The following FARP1 variants were observed in gnomAD, a reference collection of about 807,000 sequenced individuals.
FARP1 encodes the protein FERM, ARHGEF and pleckstrin domain-containing protein 1.
A neutral mutation model predicts 128.8 loss-of-function variants in FARP1; 52 were observed. That is an observed-to-expected ratio of 0.40 (90% CI 0.32 to 0.51). The LOEUF (loss-of-function observed/expected upper bound fraction) is 0.51. FARP1 is among the 20% of genes least tolerant of loss of function. The pLI is 0.45. For synonymous variants in FARP1, 580 were observed against 551.8 expected, an observed-to-expected ratio of 1.05 and a Z score of -0.72; for missense variants, 1,333 against 1,367.9, an observed-to-expected ratio of 0.97 and a Z score of 0.40.
intron 6 of FARP1, among the ~76,000 whole-genome samples, chr13:98,378,239 T>C (rs1312382246): frequency 1.3e-5 from 2 of 152,254 alleles, no homozygotes; most frequent in Non-Finnish European, 2.9e-5. Flanking sequence ...TGTTCTGTCC[T>C]GTTCTTGGAT....
At chr13:98,396,521 C>G (rs1395485484) in intron 13 of FARP1, 1 of 399,010 alleles carries the variant, frequency 2.5e-6, no homozygotes, top group Non-Finnish European at 4.4e-6. Context: ...TCAGCCCGAG[C>G]AACCTGGGGT....
In FARP1 at chr13:98,191,134, C is replaced by G. The variant is rs545170967; in HGVS notation, c.-23-22086C>G. Among the ~76,000 whole-genome samples the G allele has an allele frequency of 2.6e-5, 4 of 152,284 alleles. No individual in the cohort carries two copies. The South Asian group carries it at 6.2e-4, about 24-fold the overall frequency. ...GAACTCCCGGGCCTACCCCAGCTGTCGTGGTGACCTCTGATGCTGCTAGGT... is the reference window on the plus strand; with the variant it reads ...GAACTCCCGGGCCTACCCCAGCTGTGGTGGTGACCTCTGATGCTGCTAGGT... On this transcript the variant is annotated intron_variant, in intron 1 of 26. Transcript: ENST00000319562.
At chr13:98,441,039 G>A (rs766471649) in intron 24 of FARP1, among the ~76,000 whole-genome samples, 3 of 152,316 alleles carry the variant, frequency 2.0e-5, no homozygotes, top group African/African-American at 7.2e-5. Flanking sequence ...CTGAGTGGGC[G>A]CCGACCTCCC....
intron 5 of FARP1, among the ~76,000 whole-genome samples, chr13:98,374,107 C>G (rs2139997678): frequency 6.6e-6 from 1 of 152,308 alleles, no homozygotes; most frequent in South Asian, 2.1e-4. Flanking sequence ...TATCCCCTAA[C>G]TGTCCTTTGT....
At position 98,454,064 on chromosome 13, in the gene FARP1, T is replaced by C. The variant is rs1893333217; in HGVS notation, c.*5747T>C. ...ATATTCAGCCTGTATATGTGCACTA[T>C]ATAAGTATATTTACATGAACAACTT... On this transcript the variant is annotated 3_prime_UTR_variant, in exon 27 of 27. Coordinates refer to ENST00000319562, the MANE Select transcript of FARP1 (RefSeq NM_005766.4). The C allele has an allele frequency of 6.6e-6, 1 of 152,210 alleles. No homozygotes were observed. Among genetic ancestry groups the C allele is most frequent in the Admixed American group, 6.5e-5 (1 of 15,276 alleles). The allele number at this position is 152,210 out of a possible 1,614,324, so 9.4% of individuals were successfully genotyped here.
chr13:98,306,388 T>C (rs1407623571), intron 2 of FARP1, among the ~76,000 whole-genome samples: 1 of 152,254 alleles, frequency 6.6e-6, no homozygotes, highest in South Asian at 2.1e-4. Flanking sequence ...ACACTTTACA[T>C]GTTCCATTTT....
chr13:98,158,970 G>A (rs529050569), intron 1 of FARP1, among the ~76,000 whole-genome samples: 3 of 152,232 alleles, frequency 2.0e-5, no homozygotes, highest in African/African-American at 7.2e-5. Flanking sequence ...ATAATTTTGG[G>A]CCAGGAAGGT....
At chr13:98,207,553 T>C (rs1880344558) in intron 1 of FARP1, among the ~76,000 whole-genome samples, 1 of 151,718 alleles carries the variant, frequency 6.6e-6, no homozygotes. Context: ...GCTCCCTGGA[T>C]GGGCATCAAC....
At chr13:98,177,383 A>C in intron 1 of FARP1, 1 of 590,196 alleles carries the variant, frequency 1.7e-6, no homozygotes, top group Non-Finnish European at 2.8e-6. Flanking sequence ...GCGGTGACTC[A>C]CTCTTGTAAT....
chr13:98,293,212 A>C (rs1469051952), intron 2 of FARP1, among the ~76,000 whole-genome samples: 1 of 152,216 alleles, frequency 6.6e-6, no homozygotes, highest in Non-Finnish European at 1.5e-5. Flanking sequence ...CATAAAGAGC[A>C]GGCAAAGGAT....
chr13:98,303,113 T>C (rs1443619513), intron 2 of FARP1, among the ~76,000 whole-genome samples: 1 of 152,230 alleles, frequency 6.6e-6, no homozygotes, highest in African/African-American at 2.4e-5. Flanking sequence ...AACTTTATGC[T>C]GTGTGAATAA....
intron 2 of FARP1, among the ~76,000 whole-genome samples, chr13:98,327,500 G>A (rs1171941245): frequency 2.6e-5 from 4 of 152,212 alleles, no homozygotes; most frequent in Non-Finnish European, 5.9e-5. Flanking sequence ...CTCAAAACCA[G>A]TGTGAGTTAA....
intron 2 of FARP1, among the ~76,000 whole-genome samples, chr13:98,220,187 C>T (rs1455937147): frequency 6.6e-6 from 1 of 152,108 alleles, no homozygotes; most frequent in Non-Finnish European, 1.5e-5. Flanking sequence ...GTGGGGTTGT[C>T]CCTCCAGTGG....
chr13:98,250,759 C>T (rs1301196830), intron 2 of FARP1, among the ~76,000 whole-genome samples: 4 of 151,908 alleles, frequency 2.6e-5, no homozygotes, highest in Non-Finnish European at 5.9e-5. Flanking sequence ...AAATATATAA[C>T]ACTACCAGTA....
chr13:98,151,426 C>G (rs891305679), intron 1 of FARP1, among the ~76,000 whole-genome samples: 32 of 151,992 alleles, frequency 2.1e-4, no homozygotes, highest in Non-Finnish European at 2.9e-5. Context: ...GGTGTATTCT[C>G]CTTAGTTTCT....
chr13:98,269,767 G>T (rs1298648243), intron 2 of FARP1, among the ~76,000 whole-genome samples: 3 of 152,186 alleles, frequency 2.0e-5, no homozygotes, highest in African/African-American at 4.8e-5. Context: ...TGGTCGGGGG[G>T]TGTCAGCGAA....
chr13:98,429,654 T>G (rs1466477161), intron 17 of FARP1, among the ~76,000 whole-genome samples: 1 of 152,122 alleles, frequency 6.6e-6, no homozygotes, highest in Non-Finnish European at 1.5e-5. Flanking sequence ...AGAGAATAAA[T>G]GCGGGGGCCC....
At chr13:98,419,053 C>T (rs527602111) in intron 16 of FARP1, among the ~76,000 whole-genome samples, 3 of 152,318 alleles carry the variant, frequency 2.0e-5, no homozygotes, top group East Asian at 1.9e-4. Flanking sequence ...GCGGCGTTCC[C>T]GGCCCATTGA....
At chr13:98,416,762 G>A (rs1208244363) in intron 16 of FARP1, among the ~76,000 whole-genome samples, 2 of 152,178 alleles carry the variant, frequency 1.3e-5, no homozygotes, top group Non-Finnish European at 2.9e-5. Context: ...TGGGTTCCCC[G>A]AGACAGGTGG....
Sources: gnomAD v4.1 joint callset for allele counts (sites outside exome capture counted in the v4.1 genomes callset) on GRCh38, gnomAD v4.1.1 for gene constraint, MANE v1.5 for transcripts, NCBI Gene and HGNC (gene_info 2026-07-23, HGNC 2026-07-21) for gene names.